The following TTC34 variants were observed in gnomAD, a reference collection of about 807,000 sequenced individuals.
TTC34 encodes tetratricopeptide repeat protein 34.
In TTC34, 44 loss-of-function variants were observed where a neutral mutation model predicts 40.7. The observed-to-expected ratio is 1.08, with a 90% CI of 0.85 to 1.39. The LOEUF is 1.39. Ranked by LOEUF, TTC34 falls within the 40% of genes most tolerant of loss-of-function variation. The probability of loss-of-function intolerance (pLI) is 0.00; values close to 1 mark genes in which losing one functional copy is unlikely to be tolerated. For synonymous variants in TTC34, 422 were observed against 398.6 expected, an observed-to-expected ratio of 1.06 and a Z score of -0.70; for missense variants, 884 against 838.0, an observed-to-expected ratio of 1.05 and a Z score of -0.68.
chr1:2,677,615 AGG>A (rs1639956864), intron 6 of TTC34, among the ~76,000 whole-genome samples: 1 of 139,058 alleles, frequency 7.2e-6, no homozygotes, highest in Non-Finnish European at 1.6e-5. Context: ...CTGCCCCCCC[AGG>A]TGAGCATCTG....
chr1:2,687,035 C>A (rs536066825), intron 6 of TTC34, among the ~76,000 whole-genome samples: 5 of 149,508 alleles, frequency 3.3e-5, no homozygotes, highest in African/African-American at 1.3e-4. Flanking sequence ...CCTGGAGCAG[C>A]ACCCACAACC....
At chr1:2,794,503 G>A (rs1169168190) in intron 2 of TTC34, among the ~76,000 whole-genome samples, 1 of 151,938 alleles carries the variant, frequency 6.6e-6, no homozygotes, top group East Asian at 1.9e-4. Flanking sequence ...CCTTTTTGTT[G>A]CTTCTTTTGG....
chr1:2,675,230 A>C (rs1432128415), intron 6 of TTC34, among the ~76,000 whole-genome samples: 1 of 147,106 alleles, frequency 6.8e-6, no homozygotes, highest in African/African-American at 2.5e-5. Flanking sequence ...AGCCTGGAAC[A>C]GCACCCACAA....
At chr1:2,786,640 G>A (rs936478467) in intron 4 of TTC34, among the ~76,000 whole-genome samples, 1 of 152,168 alleles carries the variant, frequency 6.6e-6, no homozygotes. Flanking sequence ...GCAGAGGAAG[G>A]GGCTTTTAGG....
At chr1:2,786,882 C>T (rs2100625906) in intron 4 of TTC34, among the ~76,000 whole-genome samples, 1 of 152,200 alleles carries the variant, frequency 6.6e-6, no homozygotes, top group East Asian at 1.9e-4. Flanking sequence ...CGAACCTGGG[C>T]AGGGCAAGGA....
chr1:2,783,690 G>A (rs1381738082), exon 6 of TTC34: 2 of 1,545,460 alleles, frequency 1.3e-6, no homozygotes. Flanking sequence ...GCAGCACTGT[G>A]TTGAAGTCGA....
intron 5 of TTC34, among the ~76,000 whole-genome samples, chr1:2,784,984 C>T (rs1321354028): frequency 6.6e-6 from 1 of 151,758 alleles, no homozygotes; most frequent in Non-Finnish European, 1.5e-5. Flanking sequence ...CTGGGCCGCT[C>T]TGGGCTGCTC....
chr1:2,688,322 C>T lies in TTC34; in HGVS notation c.2227-42759G>A, dbSNP rs1640465949. On this transcript the variant is annotated intron_variant, in intron 6 of 8. Transcript: ENST00000401095. ...GAGCATCTGACAGCCTGGAGCAGAA[C>T]CCCACACCCCCAGGTGAGCATCGGA... 2.1e-4 allele frequency among the ~76,000 whole-genome samples: 4 copies of T among 19,424 alleles called. No individual in the cohort carries two copies. In the South Asian group the frequency reaches 7.0e-3, roughly 34 times the overall value. 12.7% of individuals were successfully genotyped at this position (19,424 alleles called of 152,430 possible). A position where few individuals can be genotyped will look rare whatever the true frequency, so the allele number is the denominator to read the frequency against.
At position 2,681,586 on chromosome 1, in the gene TTC34, C is replaced by G. The variant is rs574481419; in HGVS notation, c.2227-36023G>C. 3.2e-5 allele frequency among the ~76,000 whole-genome samples: 2 copies of G among 62,426 alleles called. 1 individual carries two copies. Among genetic ancestry groups the G allele is most frequent in the East Asian group, 8.1e-4 (2 of 2,478 alleles). The allele number at this position is 62,426 out of a possible 152,430, so 41.0% of individuals were successfully genotyped here. On this transcript the variant is annotated intron_variant, in intron 6 of 8. Transcript: ENST00000401095. ...TGATGGTCTGGAGCAGCATCCACACCCACAGGTGAGCATCAGACAGCCTGG... is the reference window on the plus strand; with the variant it reads ...TGATGGTCTGGAGCAGCATCCACACGCACAGGTGAGCATCAGACAGCCTGG...
chr1:2,683,304 T>G (rs200521457), intron 6 of TTC34, among the ~76,000 whole-genome samples: 2 of 60,856 alleles, frequency 3.3e-5, no homozygotes, highest in African/African-American at 1.3e-4. Context: ...TGGAACAGAA[T>G]CCACACCCCC....
At chr1:2,760,036 CCA>C (rs1641644572) in intron 6 of TTC34, among the ~76,000 whole-genome samples, 8 of 111,160 alleles carry the variant, frequency 7.2e-5, no homozygotes, top group African/African-American at 2.5e-4. Context: ...GGAGCAGCGC[CCA>C]CACACCCAAG....
intron 2 of TTC34, among the ~76,000 whole-genome samples, chr1:2,797,037 C>T (rs564714377): frequency 6.0e-4 from 91 of 152,262 alleles, no homozygotes; most frequent in Non-Finnish European, 1.2e-3. Context: ...CCACGGGCTC[C>T]GAATTTTCTT....
intron 6 of TTC34, among the ~76,000 whole-genome samples, chr1:2,649,448 G>C (rs1177419362): frequency 6.6e-6 from 1 of 151,792 alleles, no homozygotes; most frequent in Non-Finnish European, 1.5e-5. Flanking sequence ...CCATACCCAG[G>C]TGAGCATCTG....
At chr1:2,779,488 T>A (rs1050349995) in intron 6 of TTC34, among the ~76,000 whole-genome samples, 12 of 152,128 alleles carry the variant, frequency 7.9e-5, no homozygotes, top group Admixed American at 3.3e-4. Flanking sequence ...CACGCCTGGC[T>A]AACTTTTTGT....
intron 6 of TTC34, chr1:2,776,116 C>G (rs1419939209): frequency 7.3e-6 from 1 of 137,634 alleles, no homozygotes; most frequent in Non-Finnish European, 1.5e-5. Flanking sequence ...TGGGAAAAAG[C>G]TCCCCGCCCT....
At chr1:2,750,198 C>A (rs1276119663) in intron 6 of TTC34, among the ~76,000 whole-genome samples, 1 of 128,322 alleles carries the variant, frequency 7.8e-6, no homozygotes, top group African/African-American at 3.2e-5. Flanking sequence ...GGGTCGGCAC[C>A]CACACCCCCA....
At chr1:2,776,013 C>T (rs1210853023) in intron 6 of TTC34, 1 of 121,216 alleles carries the variant, frequency 8.2e-6, no homozygotes, top group Non-Finnish European at 1.6e-5. Flanking sequence ...ACAAGGTGAG[C>T]ATATGACAGC....
chr1:2,697,724 AC>A (rs1640933493), intron 6 of TTC34, among the ~76,000 whole-genome samples: 2 of 132,268 alleles, frequency 1.5e-5, no homozygotes, highest in South Asian at 2.4e-4. Context: ...CAGCACCCAC[AC>A]CCCCAGGTGA....
At chr1:2,800,345 A>G (rs1211089890) in exon 2 of TTC34, 1 of 398,454 alleles carries the variant, frequency 2.5e-6, no homozygotes, top group Non-Finnish European at 4.4e-6. Flanking sequence ...AGGCCTGGAG[A>G]TAGGCGGCCA....
Sources: allele counts gnomAD v4.1 joint callset (sites outside exome capture counted in the v4.1 genomes callset), GRCh38; gene constraint gnomAD v4.1.1; transcripts MANE v1.5; gene names NCBI Gene and HGNC (gene_info 2026-07-23, HGNC 2026-07-21).